Variants in TERB1 observed in about 807,000 individuals in gnomAD.
The protein encoded by TERB1 is telomere repeat binding bouquet formation protein 1.
TERB1 carries 63 observed loss-of-function variants against 92.3 expected under a neutral mutation model. The observed-to-expected ratio is 0.68, with a 90% CI of 0.56 to 0.84. The LOEUF (loss-of-function observed/expected upper bound fraction) is 0.84, where lower values mean the gene tolerates loss of function less well. Among genes scored for constraint, TERB1 ranks in the 40% least tolerant of loss-of-function variants. TERB1 has a pLI of 0.00. For missense variants in TERB1, 709 were observed against 843.7 expected (o/e 0.84, Z 1.98); for synonymous variants, 252 against 283.9 (o/e 0.89, Z 1.13).
At chr16:66,783,504 A>G (rs1023243152) in intron 9 of TERB1, among the ~76,000 whole-genome samples, 4 of 152,312 alleles carry the variant, frequency 2.6e-5, no homozygotes, top group Non-Finnish European at 5.9e-5. Flanking sequence ...ATCTATGTTC[A>G]TAGAGCTATT....
chr16:66,790,608 A>C lies in TERB1; in HGVS notation c.258T>G (p.Ile86Met). ...KEAALYTLGA[I>M]AEKNVYCQQT... ...TTTATATTTTACCATTTTTCTCTGC[A>C]ATAGCTCCTAATGTATATAAGGCTG... The change falls in exon 5 of 19, where the codon ATT becomes ATG. Residue 86 changes from isoleucine (I) to methionine (M), a missense_variant. Coordinates refer to ENST00000433154, the MANE Select transcript of TERB1 (RefSeq NM_001136505.2). The C allele has an allele frequency of 6.5e-7, 1 of 1,543,578 alleles. No homozygotes were observed. The highest frequency in any genetic ancestry group is 8.8e-7 in the Non-Finnish European group (1 of 1,142,028).
At chr16:66,774,208 CAG>C (rs1290519398) in intron 12 of TERB1, among the ~76,000 whole-genome samples, 5 of 108,436 alleles carry the variant, frequency 4.6e-5, no homozygotes, top group Middle Eastern at 6.5e-3. Flanking sequence ...TTTTTTGAGA[CAG>C]AGTCTTGCTC....
rs1242112065 is a variant in TERB1, at chr16:66,786,145, G to T, written c.462-16C>A. 9.7e-6 allele frequency: 15 copies of T among 1,539,054 alleles called. No homozygotes were observed. Among genetic ancestry groups the T allele is most frequent in the East Asian group, 4.9e-5 (2 of 40,788 alleles). ...AATAACTGTCCTATTAGGTTAAAAA[G>T]AAAAGAAAGTAAATTAATACAAATG... is the stretch of plus-strand genomic sequence containing the variant. On this transcript the variant is annotated splice_polypyrimidine_tract_variant and intron_variant, in intron 7 of 18. Transcript: ENST00000433154.
intron 5 of TERB1, among the ~76,000 whole-genome samples, 164 bp from the exon 6 acceptor site, chr16:66,788,461 C>A (rs964338868): frequency 3.0e-4 from 45 of 152,042 alleles, no homozygotes; most frequent in Admixed American, 2.2e-3. Context: ...AACTGATATG[C>A]GCTTACTCAA....
intron 3 of TERB1, among the ~76,000 whole-genome samples, 187 bp downstream of exon 3, chr16:66,796,581 G>C (rs898671463): frequency 6.6e-6 from 1 of 152,184 alleles, no homozygotes; most frequent in African/African-American, 2.4e-5. Context: ...CTAATTGTCA[G>C]TATGTCTTTT....
At chr16:66,794,759 A>G (rs2018897273) in intron 3 of TERB1, among the ~76,000 whole-genome samples, 1 of 151,974 alleles carries the variant, frequency 6.6e-6, no homozygotes, top group African/African-American at 2.4e-5. Context: ...AAATACAAAA[A>G]ATTAGCTGGG....
In TERB1 at chr16:66,788,217, A is replaced by C. The variant is rs764587238; in HGVS notation, c.352T>G (p.Leu118Val). ...ATAACATAAACAGACATTCTTTTCA[A>C]ATTTATGTTTGAATCATTAGATAAG... ...WFLSNDSNIN[L>V]KRMSVYVILV... is the part of the protein sequence containing the mutation. Residue 118 changes from leucine (L) to valine (V), a missense_variant, in exon 6 of 19, where the codon TTG becomes GTG. Transcript: ENST00000433154. 1 of 1,513,238 alleles carries C rather than the reference A, an allele frequency of 6.6e-7. No individual in the cohort carries two copies. Among genetic ancestry groups the C allele is most frequent in the Non-Finnish European group, 8.9e-7 (1 of 1,129,078 alleles). The allele number at this position is 1,513,238 out of a possible 1,614,324, so 93.7% of individuals were successfully genotyped here. A position where few individuals can be genotyped will look rare whatever the true frequency, so the allele number is the denominator to read the frequency against.
At position 66,786,257 on chromosome 16, in the gene TERB1, T is replaced by C; in HGVS notation, c.429A>G (p.Thr143=). 6.5e-7 allele frequency: 1 copy of C among 1,549,460 alleles called. No individual in the cohort carries two copies. Among genetic ancestry groups the C allele is most frequent in the Admixed American group, 2.0e-5 (1 of 50,808 alleles). The change falls in exon 7 of 19, where the codon ACA becomes ACG. Residue 143 remains threonine (T), a synonymous_variant. Transcript: ENST00000433154. ...NRTGQTLVRE[T]GCITVLSRLF... ...ACCGTGACAGAACTGTAATACAACCTGTTTCTCTCACAAGTGTTTGTCCGG... is the reference window on the plus strand; with the variant it reads ...ACCGTGACAGAACTGTAATACAACCCGTTTCTCTCACAAGTGTTTGTCCGG...
chr16:66,755,930 T>C (rs2018130612), intron 18 of TERB1, among the ~76,000 whole-genome samples: 1 of 152,136 alleles, frequency 6.6e-6, no homozygotes, highest in African/African-American at 2.4e-5. Context: ...TCTTTTGAAA[T>C]TTGCTTTTAA....
chr16:66,772,774 G>C lies in TERB1; in HGVS notation c.1112-25C>G, dbSNP rs771210509. On this transcript the variant is annotated intron_variant, in intron 12 of 18. Coordinates refer to ENST00000433154, the MANE Select transcript of TERB1 (RefSeq NM_001136505.2). ...GCTTTGTAGTATGGGAAAAAACAAT[G>C]AATGAAAAGTTATTTAAACACTTTA... The C allele has an allele frequency of 4.7e-6, 7 of 1,502,232 alleles. No individual in the cohort carries two copies. The Admixed American group carries it at 1.6e-4, about 35-fold the overall frequency. 93.1% of individuals were successfully genotyped at this position (1,502,232 alleles called of 1,614,324 possible). A position where few individuals can be genotyped will look rare whatever the true frequency, so the allele number is the denominator to read the frequency against.
intron 9 of TERB1, among the ~76,000 whole-genome samples, chr16:66,783,220 G>A (rs899312278): frequency 6.6e-6 from 1 of 152,204 alleles, no homozygotes; most frequent in Non-Finnish European, 1.5e-5. Context: ...GTTACTTGTA[G>A]TATTTTGTAG....
intron 14 of TERB1, among the ~76,000 whole-genome samples, chr16:66,769,474 CAAGGGAAAAAG>C (rs759228812): frequency 5.3e-5 from 8 of 152,246 alleles, no homozygotes; most frequent in Non-Finnish European, 1.2e-4. Context: ...AAACTAACTG[CAAGGGAAAAAG>C]ACTATGTTCT....
At chr16:66,762,375 T>C (rs1308463069) in intron 16 of TERB1, among the ~76,000 whole-genome samples, 2 of 152,106 alleles carry the variant, frequency 1.3e-5, no homozygotes, top group African/African-American at 2.4e-5. Context: ...AGATAAGGAA[T>C]TGTTTTTTGT....
chr16:66,785,106 G>T (rs770100960), intron 9 of TERB1, among the ~76,000 whole-genome samples: 1 of 147,120 alleles, frequency 6.8e-6, no homozygotes, highest in Non-Finnish European at 1.5e-5. Context: ...TGCAACTTCC[G>T]TCTCCTGGGC....
chr16:66,798,258 C>T (rs901475191), intron 2 of TERB1, among the ~76,000 whole-genome samples: 2 of 150,956 alleles, frequency 1.3e-5, no homozygotes, highest in South Asian at 4.2e-4. Flanking sequence ...TGGCTCACTG[C>T]AGCTTCAAAC....
intron 16 of TERB1, among the ~76,000 whole-genome samples, chr16:66,765,015 G>T (rs2018314637): frequency 6.6e-6 from 1 of 152,202 alleles, no homozygotes; most frequent in Admixed American, 6.5e-5. Context: ...TGTAGTGAAA[G>T]AACTGCGTAG....
chr16:66,767,286 C>A (rs557233023), intron 16 of TERB1, 129 bp downstream of exon 16: 2 of 568,698 alleles, frequency 3.5e-6, no homozygotes, highest in South Asian at 4.4e-5. Context: ...GTGCAGTGAG[C>A]CAAGATCGCG....
rs1958477632 is a variant in TERB1 at position 66,755,008 on chromosome 16, G to C, written c.2152C>G (p.Leu718Val). The change falls in exon 19 of 19, where the codon CTG (leucine) becomes GTG (valine). Residue 718 changes from leucine to valine, a missense_variant. Physicochemically the swap from Leu to Val is conservative, Grantham distance 32. Transcript: ENST00000433154. Reference protein sequence around the residue: ...AVDLAHKYHKLTKHPTCAAS With the variant: ...AVDLAHKYHKVTKHPTCAAS ...GCTGCACACGTGGGGTGTTTGGTCA[G>C]CTTGTGGTATTTGTGAGCAAGGTCC... The C allele has an allele frequency of 1.3e-6, 2 of 1,551,290 alleles. No individual in the cohort carries two copies. The highest frequency in any genetic ancestry group is 1.7e-6 in the Non-Finnish European group (2 of 1,146,928).
chr16:66,756,100 TTTTC>T (rs1251893220), intron 18 of TERB1, among the ~76,000 whole-genome samples: 1 of 152,206 alleles, frequency 6.6e-6, no homozygotes, highest in African/African-American at 2.4e-5. Flanking sequence ...TAGGAAATAG[TTTTC>T]TTTAAGCTTT....
Sources: gnomAD v4.1 joint callset for allele counts (sites outside exome capture counted in the v4.1 genomes callset) on GRCh38, gnomAD v4.1.1 for gene constraint, MANE v1.5 for transcripts, NCBI Gene and HGNC (gene_info 2026-07-23, HGNC 2026-07-21) for gene names.